TAFA2: variants seen among roughly 807,000 people sequenced by gnomAD.
TAFA2 encodes the protein chemokine-like protein TAFA-2.
Under a neutral mutation model 18.8 loss-of-function variants are expected in TAFA2, and 7 were observed. The observed-to-expected ratio is 0.37, with a 90% CI of 0.21 to 0.70. TAFA2 has a LOEUF of 0.70. Ranked by LOEUF, TAFA2 falls within the 30% of genes least tolerant of loss-of-function variation. The pLI is 0.53. For synonymous variants in TAFA2, 60 were observed against 54.2 expected (o/e 1.11, Z -0.47); for missense variants, 122 against 158.1 (o/e 0.77, Z 1.23).
intron 1 of TAFA2, among the ~76,000 whole-genome samples, chr12:62,214,668 T>C (rs2062726979): frequency 6.6e-6 from 1 of 152,162 alleles, no homozygotes; most frequent in Admixed American, 6.5e-5. Flanking sequence ...CTGGTGCCCT[T>C]GTGCCCGTGG....
chr12:62,221,511 A>G (rs1482082604), intron 1 of TAFA2, among the ~76,000 whole-genome samples: 3 of 152,152 alleles, frequency 2.0e-5, no homozygotes, highest in Admixed American at 6.5e-5. Flanking sequence ...GGAAAAACAA[A>G]TAGATCAATG....
At chr12:62,147,324 A>G (rs1473294700) in intron 1 of TAFA2, among the ~76,000 whole-genome samples, 1,413 of 19,988 alleles carry the variant, frequency 0.071, 51 homozygotes, top group African/African-American at 0.19. Flanking sequence ...GTGTGTATGT[A>G]TGTATATATA....
chr12:62,188,799 T>G (rs2062603046), intron 1 of TAFA2, among the ~76,000 whole-genome samples: 1 of 152,178 alleles, frequency 6.6e-6, no homozygotes, highest in Non-Finnish European at 1.5e-5. Flanking sequence ...TTATAAATTT[T>G]TAAATAGGAA....
intron 1 of TAFA2, among the ~76,000 whole-genome samples, chr12:62,112,986 A>G (rs770825094): frequency 6.6e-6 from 1 of 152,020 alleles, no homozygotes; most frequent in Non-Finnish European, 1.5e-5. Context: ...ACTTCTGTCA[A>G]TTTGTCAAAC....
rs183231193 is a variant in TAFA2, at chr12:61,902,977, C to A, written c.-1-35551G>T. Among the ~76,000 whole-genome samples the A allele has an allele frequency of 2.2e-4, 33 of 152,176 alleles. 1 individual carries two copies. In the East Asian group the frequency reaches 6.2e-3, roughly 29 times the overall value. On this transcript the variant is annotated intron_variant, in intron 1 of 4. Transcript: ENST00000416284. ...CTGTCATCCCATCATTTTAAATATT[C>A]TTTAAATCCATCCGCTTTTTTACAC...
intron 1 of TAFA2, among the ~76,000 whole-genome samples, chr12:62,231,622 G>GT (rs899953205): frequency 2.6e-5 from 4 of 151,368 alleles, no homozygotes; most frequent in African/African-American, 7.3e-5. Flanking sequence ...CATGTTTTTT[G>GT]TTTTTTTTAA....
chr12:61,917,126 A>T (rs1451747272), intron 1 of TAFA2, among the ~76,000 whole-genome samples: 1 of 152,208 alleles, frequency 6.6e-6, no homozygotes, highest in African/African-American at 2.4e-5. Flanking sequence ...CAAGATCAAG[A>T]GGGATAACTG....
chr12:61,993,455 T>C (rs17125603), intron 1 of TAFA2, among the ~76,000 whole-genome samples: 2,576 of 152,268 alleles, frequency 0.017, 83 homozygotes, highest in East Asian at 0.054. Flanking sequence ...AAAATGTCTG[T>C]CTCATCTAGT....
chr12:61,721,292 T>C (rs148495524), intron 4 of TAFA2, among the ~76,000 whole-genome samples: 2 of 152,256 alleles, frequency 1.3e-5, no homozygotes, highest in African/African-American at 4.8e-5. Flanking sequence ...AATCAAGACA[T>C]AGTCATCTAA....
chr12:62,099,181 T>C (rs2136846111), intron 1 of TAFA2, among the ~76,000 whole-genome samples: 1 of 152,052 alleles, frequency 6.6e-6, no homozygotes, highest in Middle Eastern at 3.4e-3. Context: ...ATAGAAACAC[T>C]CTGCCTAATC....
chr12:61,828,310 A>G (rs980814965), intron 2 of TAFA2, among the ~76,000 whole-genome samples: 4 of 151,900 alleles, frequency 2.6e-5, no homozygotes, highest in African/African-American at 9.7e-5. Context: ...CAAAACGACC[A>G]TTTTGTTACT....
intron 2 of TAFA2, among the ~76,000 whole-genome samples, chr12:61,816,903 G>A (rs1181506652): frequency 2.0e-5 from 3 of 151,146 alleles, no homozygotes; most frequent in African/African-American, 7.4e-5. Flanking sequence ...TATGCATAGG[G>A]TCTGGCACTA....
intron 1 of TAFA2, among the ~76,000 whole-genome samples, chr12:62,111,035 A>G (rs12826489): frequency 0.23 from 34,076 of 151,354 alleles, 4,191 homozygotes; most frequent in East Asian, 0.37. Flanking sequence ...TAGCTTTTGT[A>G]TTTGTTTTCT....
chr12:61,940,237 A>T (rs1459297226), intron 1 of TAFA2, among the ~76,000 whole-genome samples: 1 of 152,202 alleles, frequency 6.6e-6, no homozygotes, highest in Non-Finnish European at 1.5e-5. Context: ...CCAAGCCCAG[A>T]CACCCAGTGC....
intron 2 of TAFA2, among the ~76,000 whole-genome samples, chr12:61,791,333 C>T (rs926101400): frequency 6.6e-6 from 1 of 151,560 alleles, no homozygotes; most frequent in Non-Finnish European, 1.5e-5. Context: ...GCACAGGCAA[C>T]AAAAGCAAAA....
At chr12:62,064,364 T>C (rs1882432249) in intron 1 of TAFA2, among the ~76,000 whole-genome samples, 1 of 152,082 alleles carries the variant, frequency 6.6e-6, no homozygotes, top group Admixed American at 6.6e-5. Context: ...GTAGTTGCCA[T>C]TCCACAAACC....
At chr12:62,170,169 C>G (rs1175636481) in intron 1 of TAFA2, among the ~76,000 whole-genome samples, 1 of 151,940 alleles carries the variant, frequency 6.6e-6, no homozygotes, top group African/African-American at 2.4e-5. Flanking sequence ...TTAATAGTAC[C>G]CTTGATGACT....
At chr12:61,755,340 T>G (rs1480421485) in intron 2 of TAFA2, among the ~76,000 whole-genome samples, 1 of 152,146 alleles carries the variant, frequency 6.6e-6, no homozygotes. Flanking sequence ...TTTTAATGCC[T>G]TTTTGTTCAA....
intron 1 of TAFA2, among the ~76,000 whole-genome samples, chr12:62,054,186 C>CA (rs1375179986): frequency 2.0e-5 from 3 of 152,102 alleles, no homozygotes; most frequent in Non-Finnish European, 2.9e-5. Context: ...GATCAGAAAT[C>CA]AAAAAAATTA....
Sources: allele counts gnomAD v4.1 joint callset (sites outside exome capture counted in the v4.1 genomes callset), GRCh38; gene constraint gnomAD v4.1.1; transcripts MANE v1.5; gene names NCBI Gene and HGNC (gene_info 2026-07-23, HGNC 2026-07-21).